CDH12: variants seen among roughly 807,000 people sequenced by gnomAD.
CDH12 encodes cadherin-12.
CDH12 carries 41 observed loss-of-function variants against 74.1 expected under a neutral mutation model. The ratio of observed to expected loss-of-function variants is 0.55; its 90% CI spans 0.43 to 0.72. CDH12 has a LOEUF of 0.72. CDH12 is among the 30% of genes least tolerant of loss of function. The probability of loss-of-function intolerance (pLI) is 0.00; values close to 1 mark genes in which losing one functional copy is unlikely to be tolerated. For synonymous variants in CDH12, 399 were observed against 355.0 expected (o/e 1.12, Z -1.39); for missense variants, 945 against 977.2 (o/e 0.97, Z 0.44).
chr5:22,821,769 G>A (rs1469419582), intron 1 of CDH12, among the ~76,000 whole-genome samples: 8 of 150,992 alleles, frequency 5.3e-5, no homozygotes, highest in Non-Finnish European at 1.2e-4. Context: ...ATGCTCATGG[G>A]TAGGAAGAAT....
At chr5:21,771,540 A>G (rs935412209) in intron 11 of CDH12, among the ~76,000 whole-genome samples, 1 of 152,120 alleles carries the variant, frequency 6.6e-6, no homozygotes, top group Non-Finnish European at 1.5e-5. Flanking sequence ...TGAGAGTGTT[A>G]AGTTATTATT....
chr5:22,304,751 T>C (rs1274628059), intron 3 of CDH12, among the ~76,000 whole-genome samples: 1 of 152,106 alleles, frequency 6.6e-6, no homozygotes, highest in Non-Finnish European at 1.5e-5. Flanking sequence ...GTGTAGAAAG[T>C]CCATGAAAAC....
At chr5:22,519,471 T>C (rs1433843566) in intron 1 of CDH12, among the ~76,000 whole-genome samples, 2 of 150,622 alleles carry the variant, frequency 1.3e-5, no homozygotes, top group African/African-American at 4.9e-5. Flanking sequence ...TCACCCAGGC[T>C]GGAGTCTAGT....
intron 10 of CDH12, among the ~76,000 whole-genome samples, chr5:21,787,974 C>G (rs1216075140): frequency 1.3e-5 from 2 of 152,138 alleles, no homozygotes; most frequent in Non-Finnish European, 2.9e-5. Context: ...TCCTTATTAA[C>G]TGTAGTATTT....
intron 5 of CDH12, among the ~76,000 whole-genome samples, chr5:21,983,884 A>AT (rs917111349): frequency 2.6e-5 from 4 of 152,136 alleles, no homozygotes; most frequent in African/African-American, 7.2e-5. Flanking sequence ...AGATACATTC[A>AT]TTTTCAGGAT....
At chr5:22,012,696 C>G (rs912273556) in intron 5 of CDH12, among the ~76,000 whole-genome samples, 3 of 149,554 alleles carry the variant, frequency 2.0e-5, no homozygotes, top group Admixed American at 6.7e-5. Flanking sequence ...GAATTTGGAG[C>G]CTGAAAACCT....
rs1370844445 is a variant in CDH12, at chr5:21,884,171, T to G, written c.527-29381A>C. The G allele has an allele frequency of 1.9e-6, 3 of 1,583,302 alleles. No homozygotes were observed. In the African/African-American group the frequency reaches 4.0e-5, roughly 21 times the overall value. On this transcript the variant is annotated intron_variant, in intron 6 of 14. Coordinates refer to ENST00000382254, the MANE Select transcript of CDH12 (RefSeq NM_004061.5). The stretch of plus-strand genomic sequence containing the variant: ...TTGACCCAACAAAGCTTGTGAGAAC[T>G]GCTTTATTGGATGCTGCTGGTGTGG...
chr5:22,594,335 TCTC>T (rs1200053578), intron 1 of CDH12, among the ~76,000 whole-genome samples: 2 of 152,120 alleles, frequency 1.3e-5, no homozygotes, highest in African/African-American at 4.8e-5. Context: ...CCCCTTGTGT[TCTC>T]CATTGAATGG....
At position 22,542,827 on chromosome 5, in the gene CDH12, A is replaced by G. The variant is rs368621490; in HGVS notation, c.-522-37463T>C. On this transcript the variant is annotated intron_variant, in intron 1 of 14. Transcript: ENST00000382254. Reference sequence around the variant, plus strand: ...ACAGCAAAGCGTATATGGAATGCACAGATGCTTGGCTTTAATTTTATGTTC... The same window carrying G: ...ACAGCAAAGCGTATATGGAATGCACGGATGCTTGGCTTTAATTTTATGTTC... Among the ~76,000 whole-genome samples the G allele has an allele frequency of 3.1e-4, 47 of 152,280 alleles. No homozygotes were observed. The East Asian group carries it at 3.1e-3, about 10-fold the overall frequency.
At chr5:21,806,660 T>C (rs2149930323) in intron 9 of CDH12, among the ~76,000 whole-genome samples, 1 of 152,250 alleles carries the variant, frequency 6.6e-6, no homozygotes, top group African/African-American at 2.4e-5. Context: ...TTAATCAATC[T>C]CCCTCATGTC....
intron 2 of CDH12, among the ~76,000 whole-genome samples, chr5:22,449,254 T>G (rs1202089251): frequency 6.6e-6 from 1 of 152,020 alleles, no homozygotes; most frequent in African/African-American, 2.4e-5. Flanking sequence ...GCACACCATT[T>G]TCATATACAA....
chr5:22,750,608 G>T (rs2127033488), intron 1 of CDH12, among the ~76,000 whole-genome samples: 1 of 152,292 alleles, frequency 6.6e-6, no homozygotes, highest in East Asian at 1.9e-4. Flanking sequence ...AAACTGGAAA[G>T]CTCTGATGGA....
intron 4 of CDH12, among the ~76,000 whole-genome samples, chr5:22,196,441 C>T (rs952744470): frequency 6.6e-6 from 1 of 151,968 alleles, no homozygotes; most frequent in Non-Finnish European, 1.5e-5. Flanking sequence ...CTGTGCCTGG[C>T]CTGTATGTAA....
intron 1 of CDH12, among the ~76,000 whole-genome samples, chr5:22,785,292 C>T (rs1181069684): frequency 6.6e-6 from 1 of 152,040 alleles, no homozygotes; most frequent in Non-Finnish European, 1.5e-5. Flanking sequence ...TAATCTTTTA[C>T]ATTGTTATTT....
chr5:22,089,046 G>T (rs1022228491), intron 4 of CDH12, among the ~76,000 whole-genome samples: 1 of 152,132 alleles, frequency 6.6e-6, no homozygotes, highest in Admixed American at 6.5e-5. Context: ...GGCTACGGGG[G>T]CTTACAAACA....
intron 4 of CDH12, among the ~76,000 whole-genome samples, chr5:22,203,805 T>C (rs1044547676): frequency 6.6e-6 from 1 of 152,202 alleles, no homozygotes; most frequent in Non-Finnish European, 1.5e-5. Context: ...GGTGAGATGA[T>C]ATCTCACTGT....
At chr5:22,678,048 G>GGGC (rs1741300187) in intron 1 of CDH12, among the ~76,000 whole-genome samples, 3 of 151,552 alleles carry the variant, frequency 2.0e-5, no homozygotes, top group Admixed American at 2.0e-4. Context: ...TCCTCATGGG[G>GGGC]GGGGGGGTTA....
intron 5 of CDH12, among the ~76,000 whole-genome samples, chr5:22,035,382 CTG>C (rs146264911): frequency 1.6e-4 from 23 of 147,904 alleles, no homozygotes; most frequent in Admixed American, 3.3e-4. Flanking sequence ...TTTCTCTGGC[CTG>C]TGTATATATA....
intron 1 of CDH12, among the ~76,000 whole-genome samples, chr5:22,562,303 C>A (rs1376183738): frequency 1.3e-5 from 2 of 151,380 alleles, no homozygotes; most frequent in Non-Finnish European, 2.9e-5. Flanking sequence ...GGCGACAGAG[C>A]GAGACTCCGT....
Sources: gnomAD v4.1 joint callset for allele counts (sites outside exome capture counted in the v4.1 genomes callset) on GRCh38, gnomAD v4.1.1 for gene constraint, MANE v1.5 for transcripts, NCBI Gene and HGNC (gene_info 2026-07-23, HGNC 2026-07-21) for gene names.